Variants in PCDHA4 observed in about 807,000 individuals in gnomAD.
PCDHA4 encodes the protein protocadherin alpha-4.
A neutral mutation model predicts 61.4 loss-of-function variants in PCDHA4; 49 were observed. The ratio of observed to expected loss-of-function variants is 0.80; its 90% CI spans 0.63 to 1.01. PCDHA4 has a LOEUF of 1.01. Among genes scored for constraint, PCDHA4 ranks in the 50% least tolerant of loss-of-function variants. PCDHA4 has a pLI of 0.00. For missense variants in PCDHA4, 1,254 were observed against 1,235.8 expected, an observed-to-expected ratio of 1.01 and a Z score of -0.22; for synonymous variants, 590 against 550.3, an observed-to-expected ratio of 1.07 and a Z score of -1.01.
In PCDHA4 at chr5:140,850,260, G is replaced by T. The variant is rs2150476183; in HGVS notation, c.2385+40688G>T. On this transcript the variant is annotated intron_variant, in intron 1 of 3. Transcript: ENST00000530339. Reference sequence around the variant, plus strand: ...GGTGCTGCGGTCGGTGGGCGCCGGCGTAGTGGTGGGGAAGGTGCGCGCAGT... The same window carrying T: ...GGTGCTGCGGTCGGTGGGCGCCGGCTTAGTGGTGGGGAAGGTGCGCGCAGT... 1.2e-4 allele frequency: 186 copies of T among 1,594,256 alleles called. 15 individuals carry two copies. The highest frequency in any genetic ancestry group is 2.2e-4 in the Middle Eastern group (1 of 4,474).
intron 1 of PCDHA4, chr5:140,857,407 G>C (rs372428918): frequency 6.3e-7 from 1 of 1,598,496 alleles, no homozygotes; most frequent in Admixed American, 1.7e-5. Context: ...ACGCGCCTGC[G>C]TTCGCGCAGT....
intron 1 of PCDHA4, among the ~76,000 whole-genome samples, chr5:140,832,325 A>G (rs1771927305): frequency 6.6e-6 from 1 of 152,220 alleles, no homozygotes; most frequent in African/African-American, 2.4e-5. Context: ...AAGGGCCATT[A>G]GAGGACTGAG....
intron 1 of PCDHA4, among the ~76,000 whole-genome samples, chr5:140,905,301 C>T (rs1476283859): frequency 6.6e-6 from 1 of 152,182 alleles, no homozygotes; most frequent in Admixed American, 6.5e-5. Context: ...GGTGTCCTTT[C>T]CACACTTTGT....
intron 1 of PCDHA4, among the ~76,000 whole-genome samples, chr5:140,937,783 G>A (rs1554211789): frequency 6.7e-6 from 1 of 150,256 alleles, no homozygotes; most frequent in African/African-American, 2.5e-5. Context: ...GTGGTGGCGG[G>A]CGTATGTAGT....
intron 1 of PCDHA4, among the ~76,000 whole-genome samples, chr5:140,944,656 C>A (rs782213712): frequency 1.3e-5 from 2 of 152,016 alleles, no homozygotes; most frequent in Admixed American, 6.6e-5. Flanking sequence ...GAGTCCATAC[C>A]CCTTATTTAT....
chr5:140,837,762 A>G (rs1775250265), intron 1 of PCDHA4, among the ~76,000 whole-genome samples: 2 of 151,650 alleles, frequency 1.3e-5, no homozygotes, highest in Non-Finnish European at 2.9e-5. Context: ...CTGCAACCTG[A>G]AAGTCCTGGG....
At chr5:140,883,971 C>G in intron 1 of PCDHA4, 1 of 1,613,030 alleles carries the variant, frequency 6.2e-7, no homozygotes. Context: ...CTGCTGACGC[C>G]CGGGGCTGGC....
chr5:140,952,444 A>C (rs2094747203), intron 1 of PCDHA4, among the ~76,000 whole-genome samples: 2 of 152,178 alleles, frequency 1.3e-5, no homozygotes. Flanking sequence ...GGCATAATAC[A>C]GCCAGGCTCT....
chr5:140,808,824 G>A lies in PCDHA4; in HGVS notation c.1637G>A (p.Gly546Asp), dbSNP rs142005186. The change falls in exon 1 of 4, where the codon GGC becomes GAC. Residue 546 changes from glycine to aspartate, a missense_variant. Coordinates refer to ENST00000530339, the MANE Select transcript of PCDHA4 (RefSeq NM_018907.4). Reference sequence around the variant, plus strand: ...CGCGATGCCGGCGTGCCACCTCTGGGCAGCAACGTGACGCTGCAGGTGTTC... The same window carrying A: ...CGCGATGCCGGCGTGCCACCTCTGGACAGCAACGTGACGCTGCAGGTGTTC... Reference protein sequence around the residue: ...TARDAGVPPLGSNVTLQVFVL... With the variant: ...TARDAGVPPLDSNVTLQVFVL... 43 of 1,612,884 alleles carry A rather than the reference G, an allele frequency of 2.7e-5. No homozygotes were observed. In the African/African-American group the frequency reaches 5.2e-4, roughly 19 times the overall value.
At chr5:140,816,930 A>G (rs2126676429) in intron 1 of PCDHA4, 1 of 152,186 alleles carries the variant, frequency 6.6e-6, no homozygotes, top group East Asian at 1.9e-4. Context: ...GCTGAATCCT[A>G]TCAGTGCCTG....
At chr5:140,903,770 C>T (rs1583503336) in intron 1 of PCDHA4, among the ~76,000 whole-genome samples, 1 of 152,136 alleles carries the variant, frequency 6.6e-6, no homozygotes, top group Non-Finnish European at 1.5e-5. Flanking sequence ...CTGAACTTTT[C>T]TATCCATAAA....
At position 140,808,168 on chromosome 5, in the gene PCDHA4, G is replaced by A. The variant is rs781897208; in HGVS notation, c.981G>A (p.Gln327=). 5 of 1,614,100 alleles carry A rather than the reference G, an allele frequency of 3.1e-6. No homozygotes were observed. Among genetic ancestry groups the A allele is most frequent in the African/African-American group, 1.3e-5 (1 of 74,940 alleles). Residue 327 remains glutamine, a synonymous_variant, in exon 1 of 4, where the codon CAG becomes CAA. Transcript: ENST00000530339. ...TTGTAGAGGGCATTGATAAGGGACA[G>A]CTCCCACTTTCTGGCCATTGTAGAG... is the stretch of plus-strand genomic sequence containing the variant. The part of the protein sequence containing the change: ...EIIVEGIDKG[Q]LPLSGHCRVI...
chr5:140,967,334 A>T, intron 1 of PCDHA4: 1 of 1,608,228 alleles, frequency 6.2e-7, no homozygotes, highest in South Asian at 1.1e-5. Flanking sequence ...GCTCAGCCCC[A>T]GCGAGCACTT....
intron 3 of PCDHA4, among the ~76,000 whole-genome samples, chr5:140,999,088 G>A (rs1429141341): frequency 1.3e-5 from 2 of 152,274 alleles, no homozygotes; most frequent in African/African-American, 4.8e-5. Flanking sequence ...TCCTTCAGAG[G>A]GCTATGGAGA....
intron 1 of PCDHA4, chr5:140,858,158 G>C: frequency 6.3e-7 from 1 of 1,597,732 alleles, no homozygotes; most frequent in Non-Finnish European, 8.6e-7. Flanking sequence ...CGCCATCTGC[G>C]CGGTGTCCAG....
chr5:140,852,714 G>T, intron 1 of PCDHA4: 2 of 980,718 alleles, frequency 2.0e-6, no homozygotes, highest in South Asian at 9.5e-5. Flanking sequence ...CTTTGTCTTT[G>T]CACGTTTTTC....
intron 1 of PCDHA4, among the ~76,000 whole-genome samples, chr5:140,909,322 T>A (rs1554193738): frequency 6.6e-6 from 1 of 152,236 alleles, no homozygotes. Context: ...ATTTGCCAAA[T>A]CAATGGTTGC....
At chr5:140,986,231 C>A (rs2097191592) in intron 3 of PCDHA4, among the ~76,000 whole-genome samples, 1 of 152,210 alleles carries the variant, frequency 6.6e-6, no homozygotes, top group African/African-American at 2.4e-5. Context: ...AGCCTCCCCT[C>A]TGTGTGAGCA....
chr5:140,943,465 G>C (rs1332571516), intron 1 of PCDHA4, among the ~76,000 whole-genome samples: 3 of 152,022 alleles, frequency 2.0e-5, no homozygotes, highest in African/African-American at 7.2e-5. Context: ...CTAAATGTGG[G>C]AGATACAGTA....
Sources: allele counts gnomAD v4.1 joint callset (sites outside exome capture counted in the v4.1 genomes callset), GRCh38; gene constraint gnomAD v4.1.1; transcripts MANE v1.5; gene names NCBI Gene and HGNC (gene_info 2026-07-23, HGNC 2026-07-21).